The following ZNF8 variants were observed in gnomAD, a reference collection of about 807,000 sequenced individuals.
ZNF8 encodes the protein zinc finger protein 272.
In ZNF8, 9 loss-of-function variants were observed where a neutral mutation model predicts 12.2. The ratio of observed to expected loss-of-function variants is 0.73; its 90% confidence interval spans 0.44 to 1.28. ZNF8 has a LOEUF of 1.28. Among genes scored for constraint, ZNF8 ranks in the 50% most tolerant of loss-of-function variants. The pLI is 0.00. For synonymous variants in ZNF8, 274 were observed against 282.3 expected (o/e 0.97, Z 0.30); for missense variants, 664 against 729.1 (o/e 0.91, Z 1.03).
At position 58,294,954 on chromosome 19, in the gene ZNF8, T is replaced by G; in HGVS notation, c.1146T>G (p.Thr382=). Residue 382 remains threonine, a synonymous_variant, in exon 4 of 4, where the codon ACT becomes ACG. Coordinates refer to ENST00000621650, the MANE Select transcript of ZNF8 (RefSeq NM_021089.3). This position sits in a 1 kb window ranked among gnomAD's most constrained non-coding sequence, Gnocchi z 5.5. ...SVCGKSFSRT[T]CLFLHLRTHT... is the part of the protein sequence containing the mutation. ...GTGGGAAATCCTTCTCTCGGACCACTTGCCTTTTCCTGCACCTGAGAACTC... is the reference window on the plus strand; with the variant it reads ...GTGGGAAATCCTTCTCTCGGACCACGTGCCTTTTCCTGCACCTGAGAACTC... The G allele has an allele frequency of 6.2e-7, 1 of 1,614,114 alleles. No individual in the cohort carries two copies. Among genetic ancestry groups the G allele is most frequent in the East Asian group, 2.2e-5 (1 of 44,886 alleles).
In ZNF8 at chr19:58,293,862, C is replaced by T. The variant is rs1322151680; in HGVS notation, c.290-236C>T. On this transcript the variant is annotated intron_variant, in intron 3 of 3. Coordinates refer to ENST00000621650, the MANE Select transcript of ZNF8 (RefSeq NM_021089.3). ...AAGTTACAGCAGCAAACAGGGAACT[C>T]ATATACCTTGACTTCATTGCCAGTG... Among the ~76,000 whole-genome samples, 3 of 152,240 alleles carry T rather than the reference C, an allele frequency of 2.0e-5. No individual in the cohort carries two copies. The South Asian group carries it at 6.2e-4, about 31-fold the overall frequency.
At chr19:58,293,068 G>A (rs1275157087) in intron 3 of ZNF8, among the ~76,000 whole-genome samples, 2 of 151,918 alleles carry the variant, frequency 1.3e-5, no homozygotes, top group Non-Finnish European at 2.9e-5. Context: ...CATGCCTTAG[G>A]CTCCTGAGTG....
rs1367328738 is a variant in ZNF8 at position 58,294,390 on chromosome 19, C to A, written c.582C>A (p.Ile194=). 1.2e-6 allele frequency: 2 copies of A among 1,614,088 alleles called. No homozygotes were observed. The highest frequency in any genetic ancestry group is 2.2e-5 in the East Asian group (1 of 44,886). Residue 194 remains isoleucine, a synonymous_variant, in exon 4 of 4, where the codon ATC becomes ATA. Coordinates refer to ENST00000621650, the MANE Select transcript of ZNF8 (RefSeq NM_021089.3). This position sits in a 1 kb window ranked among gnomAD's most constrained non-coding sequence, Gnocchi z 5.5. ...LSSSPNPFPE[I]SRGEYLYTYD... Reference sequence around the variant, plus strand: ...CAAGCCCAAATCCATTCCCAGAGATCTCTAGAGGGGAGTATTTGTATACTT... The same window carrying A: ...CAAGCCCAAATCCATTCCCAGAGATATCTAGAGGGGAGTATTTGTATACTT...
intron 1 of ZNF8, among the ~76,000 whole-genome samples, chr19:58,283,959 C>G (rs1025678705): frequency 1.3e-5 from 2 of 152,128 alleles, no homozygotes; most frequent in Non-Finnish European, 2.9e-5. Context: ...AAGCAACTTT[C>G]TTTATAAATT....
At position 58,295,856 on chromosome 19, in the gene ZNF8, A is replaced by T; in HGVS notation, c.*320A>T. On this transcript the variant is annotated 3_prime_UTR_variant, in exon 4 of 4. Transcript: ENST00000621650. ...GTAAAGGATCATTAAAATGAAAGTA[A>T]TTTATGGTAGAGTAAATTGTAGAGT... 3 of 285,346 alleles carry T rather than the reference A, an allele frequency of 1.1e-5. No homozygotes were observed. The highest frequency in any genetic ancestry group is 4.8e-5 in the Admixed American group (1 of 20,772). 17.7% of individuals were successfully genotyped at this position (285,346 alleles called of 1,614,324 possible). A position where few individuals can be genotyped will look rare whatever the true frequency, so the allele number is the denominator to read the frequency against.
chr19:58,285,834 C>T lies in ZNF8; in HGVS notation c.184C>T (p.Leu62Phe). 1 of 1,611,676 alleles carries T rather than the reference C, an allele frequency of 6.2e-7. No individual in the cohort carries two copies. Among genetic ancestry groups the T allele is most frequent in the Non-Finnish European group, 8.5e-7 (1 of 1,178,626 alleles). Residue 62 changes from leucine (L) to phenylalanine (F), a missense_variant, in exon 2 of 4, where the codon CTC becomes TTC. Leu to Phe is a conservative substitution (Grantham distance 22). Transcript: ENST00000621650. ...GATGCTGGAGACCTTTGGTCACCTG[C>T]TCTCCATAGGTAAGCCCTGCTTCGC... ...DVMLETFGHL[L>F]SIGPELPKPE... is the part of the protein sequence containing the mutation.
intron 3 of ZNF8, chr19:58,286,866 T>G: frequency 6.6e-6 from 1 of 152,480 alleles, no homozygotes; most frequent in East Asian, 1.9e-4. Flanking sequence ...TCACCTGTGC[T>G]CCAGTGCTGA....
intron 3 of ZNF8, among the ~76,000 whole-genome samples, chr19:58,292,953 T>G (rs1045029451): frequency 2.0e-5 from 3 of 151,940 alleles, no homozygotes; most frequent in Admixed American, 6.6e-5. Flanking sequence ...AGAGTCAGTT[T>G]TTTTTTTTTT....
chr19:58,279,983 G>A, intron 1 of ZNF8: 1 of 724,540 alleles, frequency 1.4e-6, no homozygotes, highest in Non-Finnish European at 1.9e-6. Flanking sequence ...GTTTTCAGAT[G>A]TGTGTTGCTC....
At chr19:58,288,183 GTTCCCCA>G (rs1242652368) in intron 3 of ZNF8, among the ~76,000 whole-genome samples, 2 of 151,938 alleles carry the variant, frequency 1.3e-5, no homozygotes, top group Non-Finnish European at 2.9e-5. Context: ...CTGTAAACTT[GTTCCCCA>G]CACCCTTCTT....
intron 1 of ZNF8, among the ~76,000 whole-genome samples, chr19:58,285,033 C>T (rs1290902941): frequency 1.3e-5 from 2 of 152,156 alleles, no homozygotes; most frequent in African/African-American, 4.8e-5. Flanking sequence ...GGTAAGTGTC[C>T]TTGTGGGCTC....
intron 3 of ZNF8, among the ~76,000 whole-genome samples, chr19:58,292,583 C>T (rs190657647): frequency 7.2e-5 from 11 of 152,306 alleles, no homozygotes; most frequent in East Asian, 3.9e-4. Flanking sequence ...AGTCACTCTC[C>T]GTCTTTCCCA....
chr19:58,287,638 C>CTTTTTTTTT (rs35340103), intron 3 of ZNF8, among the ~76,000 whole-genome samples: 1 of 64,834 alleles, frequency 1.5e-5, no homozygotes, highest in Non-Finnish European at 2.8e-5. Flanking sequence ...TGCACCTGGC[C>CTTTTTTTTT]TTTTTTTTTT....
At chr19:58,280,885 A>G (rs1934488876) in intron 1 of ZNF8, among the ~76,000 whole-genome samples, 2 of 152,120 alleles carry the variant, frequency 1.3e-5, no homozygotes, top group South Asian at 4.1e-4. Context: ...TGCTTCAGTG[A>G]TCATATTGCC....
At chr19:58,280,267 C>T in intron 1 of ZNF8, 1 of 201,958 alleles carries the variant, frequency 5.0e-6, no homozygotes, top group South Asian at 7.0e-5. Flanking sequence ...GGAGGATCCA[C>T]CTCCAGGATG....
At chr19:58,280,603 C>G (rs1006584215) in intron 1 of ZNF8, 3 of 152,276 alleles carry the variant, frequency 2.0e-5, no homozygotes, top group Non-Finnish European at 4.4e-5. Flanking sequence ...GAATGGAGAG[C>G]TTCAAGGTCC....
chr19:58,301,119 G>A lies in ZNF8; in HGVS notation c.*5583G>A, dbSNP rs915632959. ...ACCCAAACAACTGCTGTGTGCTACT[G>A]GGCAACTCCCCGAGGTGTGCCGAAA... On this transcript the variant is annotated 3_prime_UTR_variant, in exon 4 of 4. Coordinates refer to ENST00000621650, the MANE Select transcript of ZNF8 (RefSeq NM_021089.3). The A allele has an allele frequency of 6.6e-6, 1 of 152,122 alleles. No individual in the cohort carries two copies. The highest frequency in any genetic ancestry group is 2.4e-5 in the African/African-American group (1 of 41,382). The allele number at this position is 152,122 out of a possible 1,614,324, so 9.4% of individuals were successfully genotyped here. A position where few individuals can be genotyped will look rare whatever the true frequency, so the allele number is the denominator to read the frequency against.
chr19:58,289,461 A>C (rs2147957829), intron 3 of ZNF8, among the ~76,000 whole-genome samples: 1 of 148,944 alleles, frequency 6.7e-6, no homozygotes, highest in Non-Finnish European at 1.5e-5. Context: ...ATGCCACTGC[A>C]CTCCAGCCTG....
intron 1 of ZNF8, chr19:58,279,514 G>A (rs1171726561): frequency 6.7e-7 from 1 of 1,494,118 alleles, no homozygotes; most frequent in Non-Finnish European, 8.9e-7. Context: ...AGTAATTGTA[G>A]CGTTGGCCGG....
Sources: gnomAD v4.1 joint callset for allele counts (sites outside exome capture counted in the v4.1 genomes callset) on GRCh38, gnomAD v4.1.1 for gene constraint, Gnocchi (gnomAD v3.1) non-coding constraint, MANE v1.5 for transcripts, NCBI Gene and HGNC (gene_info 2026-07-23, HGNC 2026-07-21) for gene names.